DOCK2: variants seen among roughly 807,000 people sequenced by gnomAD.
The protein encoded by DOCK2 is dedicator of cytokinesis 2.
In DOCK2, 87 loss-of-function variants were observed where a neutral mutation model predicts 248.9. The ratio of observed to expected loss-of-function variants is 0.35; its 90% CI spans 0.29 to 0.42. The LOEUF (loss-of-function observed/expected upper bound fraction) is 0.42. DOCK2 is among the 10% of genes least tolerant of loss of function. The probability of loss-of-function intolerance (pLI) is 1.00; values close to 1 mark genes in which losing one functional copy is unlikely to be tolerated. For missense variants in DOCK2, 1,747 were observed against 2,300.2 expected (o/e 0.76, Z 4.92); for synonymous variants, 805 against 821.6 (o/e 0.98, Z 0.35).
chr5:169,907,916 G>A (rs1176545608), intron 27 of DOCK2, among the ~76,000 whole-genome samples: 1 of 152,144 alleles, frequency 6.6e-6, no homozygotes, highest in Non-Finnish European at 1.5e-5. Context: ...AGTCCGTGTC[G>A]GTAAACATCT....
chr5:169,885,174 T>A (rs1772902734), intron 27 of DOCK2, among the ~76,000 whole-genome samples: 1 of 152,172 alleles, frequency 6.6e-6, no homozygotes, highest in Non-Finnish European at 1.5e-5. Context: ...CCTCGTCACA[T>A]TTTTCACAAT....
intron 27 of DOCK2, among the ~76,000 whole-genome samples, chr5:169,903,350 G>T (rs1774060967): frequency 6.6e-6 from 1 of 151,080 alleles, no homozygotes; most frequent in Non-Finnish European, 1.5e-5. Flanking sequence ...AAAGTTAAGA[G>T]CAGGGTGGTA....
chr5:170,048,859 C>T (rs1756810790), intron 40 of DOCK2, among the ~76,000 whole-genome samples: 1 of 152,164 alleles, frequency 6.6e-6, no homozygotes, highest in Non-Finnish European at 1.5e-5. Context: ...TGGTTCAACT[C>T]TGGGGTGAGG....
chr5:169,815,378 A>G (rs1261394805), intron 26 of DOCK2, among the ~76,000 whole-genome samples: 1 of 152,174 alleles, frequency 6.6e-6, no homozygotes, highest in African/African-American at 2.4e-5. Context: ...ATTCTTTAAT[A>G]TTGCATTATC....
chr5:169,714,291 C>T, intron 18 of DOCK2, 69 bp from the exon 19 acceptor site: 1 of 1,610,680 alleles, frequency 6.2e-7, no homozygotes, highest in South Asian at 1.1e-5. Context: ...TGCTTGCAGA[C>T]CCAAGGAGGT....
intron 29 of DOCK2, among the ~76,000 whole-genome samples, chr5:169,989,953 T>C (rs951681319): frequency 2.0e-5 from 3 of 152,228 alleles, no homozygotes; most frequent in Admixed American, 2.0e-4. Context: ...ATATGGTAGT[T>C]CCATCAGTGT....
Position 170,019,105 on chromosome 5 carries a change from A to G in DOCK2, c.3378A>G (p.Lys1126=), listed in dbSNP as rs1340160181. Residue 1126 remains lysine (K), a synonymous_variant, in exon 33 of 52, where the codon AAA becomes AAG. Transcript: ENST00000520908. The stretch of plus-strand genomic sequence containing the variant: ...AATATCAAAGAAGTGGGGATTTCAA[A>G]AAGGTAAAAAATGAGGCCGGAAACT... ...LCEYQRSGDF[K]KFENEIILKL... 3 of 1,614,030 alleles carry G rather than the reference A, an allele frequency of 1.9e-6. No individual in the cohort carries two copies. In the South Asian group the frequency reaches 3.3e-5, roughly 18 times the overall value.
At chr5:169,697,931 G>A (rs1380791164) in intron 10 of DOCK2, among the ~76,000 whole-genome samples, 1 of 152,118 alleles carries the variant, frequency 6.6e-6, no homozygotes, top group African/African-American at 2.4e-5. Flanking sequence ...TTATGTATCT[G>A]TACATATGAG....
At chr5:169,870,879 A>G (rs888557507) in intron 27 of DOCK2, among the ~76,000 whole-genome samples, 3 of 151,020 alleles carry the variant, frequency 2.0e-5, no homozygotes, top group African/African-American at 4.8e-5. Flanking sequence ...TGCTATAACA[A>G]AATACTACAG....
At chr5:169,876,863 T>A (rs1326315263) in intron 27 of DOCK2, among the ~76,000 whole-genome samples, 1 of 152,206 alleles carries the variant, frequency 6.6e-6, no homozygotes, top group African/African-American at 2.4e-5. Context: ...CCTCTCCTAG[T>A]TAATAGAGTC....
At chr5:169,994,154 A>T (rs1019391193) in intron 29 of DOCK2, among the ~76,000 whole-genome samples, 2 of 152,156 alleles carry the variant, frequency 1.3e-5, no homozygotes, top group African/African-American at 4.8e-5. Context: ...CCTAAAAGTT[A>T]CTCAAGTATG....
chr5:169,718,525 T>C, intron 21 of DOCK2, 132 bp from the exon 22 acceptor site: 1 of 891,400 alleles, frequency 1.1e-6, no homozygotes, highest in Non-Finnish European at 1.6e-6. Context: ...GTTATCTTTA[T>C]GCTTACAAAT....
chr5:169,998,150 T>C (rs1754712519), intron 30 of DOCK2: 1 of 425,608 alleles, frequency 2.3e-6, no homozygotes, highest in Non-Finnish European at 4.7e-6. Flanking sequence ...CTTCCTGGAG[T>C]CTCTTCATAG....
intron 25 of DOCK2, among the ~76,000 whole-genome samples, chr5:169,800,031 C>G (rs1766873028): frequency 1.3e-5 from 2 of 152,208 alleles, no homozygotes; most frequent in African/African-American, 4.8e-5. Context: ...TCTTGAACTC[C>G]TGGGCTCAAG....
In DOCK2 at chr5:170,075,976, C is replaced by T. The variant is rs758590949; in HGVS notation, c.4758C>T (p.Ile1586=). The change falls in exon 47 of 52, where the codon ATC becomes ATT. Residue 1586 remains isoleucine, a synonymous_variant. Coordinates refer to ENST00000520908, the MANE Select transcript of DOCK2 (RefSeq NM_004946.3). The part of the protein sequence containing the change: ...QIPFLGAGIK[I]HEKRVSDNLR... ...CCTTCTTGGGAGCTGGGATTAAGAT[C>T]CATGAGAAAAGGGTGTCAGATAACT... The T allele has an allele frequency of 3.1e-6, 5 of 1,614,152 alleles. No homozygotes were observed. The highest frequency in any genetic ancestry group is 1.1e-5 in the South Asian group (1 of 91,078).
intron 25 of DOCK2, among the ~76,000 whole-genome samples, chr5:169,782,601 C>T (rs183704753): frequency 5.1e-4 from 78 of 151,672 alleles, no homozygotes; most frequent in South Asian, 2.5e-3. Context: ...CTTCTTTCTA[C>T]GCCTTAGGGT....
chr5:170,046,310 C>A (rs891950044), intron 39 of DOCK2, among the ~76,000 whole-genome samples: 1 of 152,216 alleles, frequency 6.6e-6, no homozygotes, highest in Non-Finnish European at 1.5e-5. Context: ...TCTGGTTACT[C>A]CCATTAGCAT....
chr5:170,000,597 A>T (rs1398860906), intron 30 of DOCK2: 1 of 152,206 alleles, frequency 6.6e-6, no homozygotes, highest in Admixed American at 6.5e-5. Context: ...GAGCGCTGAG[A>T]TGATTGGCTG....
intron 27 of DOCK2, among the ~76,000 whole-genome samples, chr5:169,905,394 C>T (rs749897561): frequency 2.6e-5 from 4 of 151,554 alleles, no homozygotes; most frequent in Non-Finnish European, 5.9e-5. Flanking sequence ...TGGGGGCAAA[C>T]CAAACACATC....
Sources: allele counts gnomAD v4.1 joint callset (sites outside exome capture counted in the v4.1 genomes callset), GRCh38; gene constraint gnomAD v4.1.1; transcripts MANE v1.5; gene names NCBI Gene and HGNC (gene_info 2026-07-23, HGNC 2026-07-21).